The following GREB1L variants were observed in gnomAD, a reference collection of about 807,000 sequenced individuals.
GREB1L encodes the protein GREB1-like protein.
In GREB1L, 17 loss-of-function variants were observed where a neutral mutation model predicts 200.8. That is an observed-to-expected ratio of 0.08 (90% CI 0.06 to 0.13). The LOEUF (loss-of-function observed/expected upper bound fraction) is 0.13, where lower values mean the gene tolerates loss of function less well. GREB1L is among the 10% of genes least tolerant of loss of function. The probability of loss-of-function intolerance (pLI) is 1.00; values close to 1 mark genes in which losing one functional copy is unlikely to be tolerated. For synonymous variants in GREB1L, 789 were observed against 893.0 expected, an observed-to-expected ratio of 0.88 and a Z score of 2.08; for missense variants, 1,657 against 2,367.7, an observed-to-expected ratio of 0.70 and a Z score of 6.23.
rs2035540350 is a variant in GREB1L at position 21,472,951 on chromosome 18, CAATG to C, written c.2183-77_2183-74del. ...ACAGTTGGTACCCAGTGTCAGCTGA[CAATG>C]AACTCAAGTCTATCTCCTGTGTGTG... On this transcript the variant is annotated intron_variant, in intron 15 of 32. Transcript: ENST00000424526. 14 of 982,282 alleles carry C rather than the reference CAATG, an allele frequency of 1.4e-5. No individual in the cohort carries two copies. In the South Asian group the frequency reaches 2.7e-4, roughly 19 times the overall value. 60.8% of individuals were successfully genotyped at this position (982,282 alleles called of 1,614,324 possible).
chr18:21,425,929 C>T (rs760927456), intron 7 of GREB1L, among the ~76,000 whole-genome samples: 6 of 151,982 alleles, frequency 3.9e-5, no homozygotes, highest in Admixed American at 6.6e-5. Flanking sequence ...TTTGTGTTTT[C>T]GGTGTTATAG....
chr18:21,264,186 T>C (rs2037931531), intron 1 of GREB1L, among the ~76,000 whole-genome samples: 2 of 152,080 alleles, frequency 1.3e-5, no homozygotes, highest in African/African-American at 4.8e-5. Flanking sequence ...AATTGTTAGT[T>C]CCTTAGGGAT....
At chr18:21,368,856 C>G (rs978610997) in intron 2 of GREB1L, among the ~76,000 whole-genome samples, 1 of 151,938 alleles carries the variant, frequency 6.6e-6, no homozygotes, top group Admixed American at 6.6e-5. Flanking sequence ...TAGTGACCCA[C>G]CATTATCAAA....
At chr18:21,368,598 A>G (rs1404132901) in intron 2 of GREB1L, among the ~76,000 whole-genome samples, 1 of 152,184 alleles carries the variant, frequency 6.6e-6, no homozygotes, top group African/African-American at 2.4e-5. Context: ...TAATTCAAAT[A>G]TATTTGTTCA....
chr18:21,389,351 T>TTTTTTC lies in GREB1L; in HGVS notation c.355+4948_355+4949insTTTTTC, dbSNP rs10686798. Among the ~76,000 whole-genome samples the TTTTTTC allele has an allele frequency of 3.6e-4, 53 of 145,548 alleles. 2 individuals carry two copies. Among genetic ancestry groups the TTTTTTC allele is most frequent in the Non-Finnish European group, 6.4e-4 (43 of 66,920 alleles). ...GGGGTGGGTTTTTTTTTTTTTTTTT[T>TTTTTTC]CATCAAATAGGAATTTTCTCTTTTC... On this transcript the variant is annotated intron_variant, in intron 4 of 32. Transcript: ENST00000424526.
In GREB1L at chr18:21,485,720, C is replaced by T. The variant is rs2036102379; in HGVS notation, c.2657C>T (p.Thr886Ile). 5.8e-6 allele frequency: 9 copies of T among 1,551,170 alleles called. No homozygotes were observed. The highest frequency in any genetic ancestry group is 5.2e-6 in the Non-Finnish European group (6 of 1,146,848). The change falls in exon 18 of 33, where the codon ACT becomes ATT. Residue 886 changes from threonine (T) to isoleucine (I), a missense_variant. Transcript: ENST00000424526. ...AGCCCACTTCTGAGATGTGACGAGA[C>T]TTTTGAAAAAATGGTGAACACACTC... ...ITSPLLRCDE[T>I]FEKMVNTLLE...
At chr18:21,281,507 A>G (rs1277758058) in intron 1 of GREB1L, among the ~76,000 whole-genome samples, 1 of 152,188 alleles carries the variant, frequency 6.6e-6, no homozygotes, top group Non-Finnish European at 1.5e-5. Context: ...ATACTCATGT[A>G]TCTTTTTGTT....
chr18:21,391,044 T>C (rs2040780388), intron 4 of GREB1L, among the ~76,000 whole-genome samples: 1 of 152,214 alleles, frequency 6.6e-6, no homozygotes, highest in South Asian at 2.1e-4. Context: ...TAATTTATTA[T>C]TGAAGAAAAA....
At chr18:21,338,786 A>C (rs1317762462) in intron 1 of GREB1L, among the ~76,000 whole-genome samples, 3 of 152,264 alleles carry the variant, frequency 2.0e-5, no homozygotes, top group African/African-American at 7.2e-5. Context: ...CTTATATTTT[A>C]CTTCTCAACA....
intron 30 of GREB1L, among the ~76,000 whole-genome samples, chr18:21,516,974 A>G (rs1191494608): frequency 6.6e-6 from 1 of 151,428 alleles, no homozygotes; most frequent in East Asian, 1.9e-4. Flanking sequence ...CCTGGGTTCA[A>G]GCGATTCTTG....
In GREB1L at chr18:21,508,113, T is replaced by C; in HGVS notation, c.4369-5T>C. The C allele has an allele frequency of 6.4e-7, 1 of 1,551,360 alleles. No individual in the cohort carries two copies. The highest frequency in any genetic ancestry group is 8.7e-7 in the Non-Finnish European group (1 of 1,146,868). On this transcript the variant is annotated splice_polypyrimidine_tract_variant and splice_region_variant and intron_variant, in intron 25 of 32. Coordinates refer to ENST00000424526, the MANE Select transcript of GREB1L (RefSeq NM_001142966.3). ...GTTCCCTCCCTTTCTTCTTTGCAAATGTAGATGTCTGACTCCACCCTTCAT... is the reference window on the plus strand; with the variant it reads ...GTTCCCTCCCTTTCTTCTTTGCAAACGTAGATGTCTGACTCCACCCTTCAT...
intron 1 of GREB1L, among the ~76,000 whole-genome samples, chr18:21,286,732 A>C (rs2038363641): frequency 6.6e-6 from 1 of 152,320 alleles, no homozygotes; most frequent in South Asian, 2.1e-4. Flanking sequence ...CAGTGACCTC[A>C]AGTGATCTGC....
chr18:21,400,417 T>G (rs143205105), intron 5 of GREB1L, among the ~76,000 whole-genome samples: 9 of 152,140 alleles, frequency 5.9e-5, no homozygotes, highest in Admixed American at 5.9e-4. Context: ...CTCATGGAAC[T>G]CCTGTCAGAA....
At chr18:21,308,640 T>C (rs1363445311) in intron 1 of GREB1L, among the ~76,000 whole-genome samples, 6 of 152,190 alleles carry the variant, frequency 3.9e-5, no homozygotes, top group Admixed American at 2.6e-4. Flanking sequence ...TCACTCTCAC[T>C]CCGTGATTTA....
At chr18:21,326,921 CT>C (rs1401012627) in intron 1 of GREB1L, among the ~76,000 whole-genome samples, 2 of 152,056 alleles carry the variant, frequency 1.3e-5, no homozygotes, top group Non-Finnish European at 2.9e-5. Context: ...GTCTGCTCTT[CT>C]TTTTTTGTTG....
intron 15 of GREB1L, among the ~76,000 whole-genome samples, chr18:21,460,197 G>T (rs2034981542): frequency 2.6e-5 from 4 of 151,956 alleles, no homozygotes; most frequent in Admixed American, 2.0e-4. Flanking sequence ...GTTTTGAGAT[G>T]CAGTTTCGCT....
intron 2 of GREB1L, among the ~76,000 whole-genome samples, chr18:21,368,041 A>T (rs2039739335): frequency 6.6e-6 from 1 of 152,238 alleles, no homozygotes; most frequent in Admixed American, 6.5e-5. Flanking sequence ...ATACACATAT[A>T]TAGAGAGAAA....
intron 1 of GREB1L, among the ~76,000 whole-genome samples, chr18:21,304,581 A>G (rs749291348): frequency 6.6e-6 from 1 of 152,196 alleles, no homozygotes; most frequent in African/African-American, 2.4e-5. Context: ...TGTCCAGTCT[A>G]TATCTCCATT....
At chr18:21,514,125 T>C in intron 28 of GREB1L, 139 bp downstream of exon 28, 1 of 724,070 alleles carries the variant, frequency 1.4e-6, no homozygotes, top group Non-Finnish European at 2.2e-6. Context: ...CCACCCTCAC[T>C]AGAACATTTT....
Sources: gnomAD v4.1 joint callset for allele counts (sites outside exome capture counted in the v4.1 genomes callset) on GRCh38, gnomAD v4.1.1 for gene constraint, MANE v1.5 for transcripts, NCBI Gene and HGNC (gene_info 2026-07-23, HGNC 2026-07-21) for gene names.